NRG1: variants seen among roughly 807,000 people sequenced by gnomAD.
NRG1 encodes the protein neuregulin 1.
Under a neutral mutation model 63.8 loss-of-function variants are expected in NRG1, and 18 were observed. The observed-to-expected ratio is 0.28, with a 90% confidence interval of 0.19 to 0.42. The LOEUF is 0.42. Among genes scored for constraint, NRG1 ranks in the 10% least tolerant of loss-of-function variants. The pLI is 1.00. For missense variants in NRG1, 762 were observed against 814.7 expected (o/e 0.94, Z 0.79); for synonymous variants, 302 against 301.3 (o/e 1.00, Z -0.02).
intron 1 of NRG1, among the ~76,000 whole-genome samples, chr8:31,892,990 A>T (rs576170235): frequency 3.7e-4 from 57 of 152,088 alleles, no homozygotes; most frequent in Admixed American, 1.1e-3. Context: ...TTCAAAATGT[A>T]GTCTAAAGAA....
At chr8:31,740,112 T>G (rs1283953829) in intron 1 of NRG1, among the ~76,000 whole-genome samples, 2 of 152,112 alleles carry the variant, frequency 1.3e-5, no homozygotes, top group African/African-American at 4.8e-5. Flanking sequence ...TTAAGTGTTT[T>G]GTTTTCTCTT....
chr8:31,852,105 G>A lies in NRG1; in HGVS notation c.37+212674G>A, dbSNP rs1827298049. On this transcript the variant is annotated intron_variant, in intron 1 of 10. Transcript: ENST00000519301. ...TGTCTTTATAGCAGCATGATTTACAGTCCTTTGGGTATATACCCAGTAATG... is the reference window on the plus strand; with the variant it reads ...TGTCTTTATAGCAGCATGATTTACAATCCTTTGGGTATATACCCAGTAATG... Among the ~76,000 whole-genome samples, 5 of 151,816 alleles carry A rather than the reference G, an allele frequency of 3.3e-5. No homozygotes were observed. The South Asian group carries it at 1.0e-3, about 32-fold the overall frequency.
chr8:31,670,768 TTC>T (rs1807052871), intron 1 of NRG1, among the ~76,000 whole-genome samples: 2 of 152,298 alleles, frequency 1.3e-5, no homozygotes, highest in South Asian at 4.1e-4. Context: ...GGCCTTATAT[TTC>T]TTTTATTTTA....
chr8:32,534,425 C>A (rs1831757173), intron 1 of NRG1, among the ~76,000 whole-genome samples: 1 of 151,990 alleles, frequency 6.6e-6, no homozygotes, highest in Non-Finnish European at 1.5e-5. Flanking sequence ...TAGTAAATCC[C>A]CACTGTAAAA....
chr8:32,246,871 GTT>G (rs554979358), intron 1 of NRG1, among the ~76,000 whole-genome samples: 162 of 152,090 alleles, frequency 1.1e-3, no homozygotes, highest in African/African-American at 3.8e-3. Context: ...GGAGGAATCT[GTT>G]TTTGTTTTTT....
intron 7 of NRG1, among the ~76,000 whole-genome samples, chr8:32,753,184 A>G (rs535220477): frequency 6.6e-6 from 1 of 152,348 alleles, no homozygotes; most frequent in Admixed American, 6.5e-5. Flanking sequence ...TGAACAGCTT[A>G]CACTGCTTAT....
At chr8:32,523,669 G>A (rs1328518506) in intron 1 of NRG1, among the ~76,000 whole-genome samples, 5 of 151,906 alleles carry the variant, frequency 3.3e-5, no homozygotes, top group Non-Finnish European at 5.9e-5. Flanking sequence ...GACCAACATG[G>A]TGAAACCCCG....
At chr8:32,540,247 GA>G (rs1218500380) in intron 1 of NRG1, among the ~76,000 whole-genome samples, 1 of 151,420 alleles carries the variant, frequency 6.6e-6, no homozygotes, top group East Asian at 1.9e-4. Flanking sequence ...GGGGAAGAAG[GA>G]AAAAAAATGA....
chr8:31,825,398 A>C (rs1260364313), intron 1 of NRG1, among the ~76,000 whole-genome samples: 1 of 152,194 alleles, frequency 6.6e-6, no homozygotes, highest in African/African-American at 2.4e-5. Context: ...AAAAAAAAAA[A>C]AAAGTATTTT....
intron 1 of NRG1, among the ~76,000 whole-genome samples, chr8:31,798,262 G>GT (rs1356560262): frequency 2.0e-5 from 3 of 152,088 alleles, no homozygotes; most frequent in Non-Finnish European, 4.4e-5. Flanking sequence ...GATAGATACG[G>GT]TGATTACCCT....
At chr8:32,451,236 A>G (rs1434571689) in intron 1 of NRG1, among the ~76,000 whole-genome samples, 1 of 152,176 alleles carries the variant, frequency 6.6e-6, no homozygotes, top group African/African-American at 2.4e-5. Context: ...CAATCTCACC[A>G]TCAGAGCCAT....
At position 31,977,940 on chromosome 8, in the gene NRG1, C is replaced by T. The variant is rs537958075; in HGVS notation, c.37+338509C>T. Among the ~76,000 whole-genome samples the T allele has an allele frequency of 2.6e-5, 4 of 152,120 alleles. No homozygotes were observed. The South Asian group carries it at 8.3e-4, about 32-fold the overall frequency. ...CTTGACAAACGGATTCTACAATGTA[C>T]AGAAATTATGGAGACAGTTTTCACT... On this transcript the variant is annotated intron_variant, in intron 1 of 10. Transcript: ENST00000519301.
At chr8:31,978,496 A>G (rs1261900297) in intron 1 of NRG1, among the ~76,000 whole-genome samples, 1 of 152,112 alleles carries the variant, frequency 6.6e-6, no homozygotes, top group Non-Finnish European at 1.5e-5. Context: ...AATTTGCAGT[A>G]CTATTTTCAT....
At chr8:32,170,706 CCAAA>C (rs1456198254) in intron 1 of NRG1, among the ~76,000 whole-genome samples, 1 of 152,128 alleles carries the variant, frequency 6.6e-6, no homozygotes, top group African/African-American at 2.4e-5. Flanking sequence ...AGGTTGATGG[CCAAA>C]CAAAGAAGGT....
intron 1 of NRG1, among the ~76,000 whole-genome samples, chr8:32,422,174 A>G (rs1430556011): frequency 1.3e-5 from 2 of 152,206 alleles, no homozygotes; most frequent in African/African-American, 4.8e-5. Context: ...ATTTTTTTAA[A>G]GTAGAAAGAG....
At chr8:31,700,558 T>C (rs964879859) in intron 1 of NRG1, among the ~76,000 whole-genome samples, 1 of 152,160 alleles carries the variant, frequency 6.6e-6, no homozygotes, top group Non-Finnish European at 1.5e-5. Flanking sequence ...TATTGAGGCA[T>C]CTTAATGAGA....
intron 1 of NRG1, among the ~76,000 whole-genome samples, chr8:32,520,539 A>G (rs1830242964): frequency 6.6e-6 from 1 of 152,164 alleles, no homozygotes; most frequent in Non-Finnish European, 1.5e-5. Flanking sequence ...TGAGATATGT[A>G]GAGATATGTA....
chr8:31,644,461 G>T (rs1804102206), intron 1 of NRG1, among the ~76,000 whole-genome samples: 1 of 152,160 alleles, frequency 6.6e-6, no homozygotes, highest in Non-Finnish European at 1.5e-5. Flanking sequence ...AGCACTAGGG[G>T]ATCGTTCTTG....
intron 1 of NRG1, among the ~76,000 whole-genome samples, chr8:31,920,374 A>G (rs1353926653): frequency 7.9e-5 from 12 of 152,200 alleles, no homozygotes; most frequent in African/African-American, 2.9e-4. Context: ...TTAATTCTGA[A>G]GGAATATACT....
Sources: gnomAD v4.1 joint callset for allele counts (sites outside exome capture counted in the v4.1 genomes callset) on GRCh38, gnomAD v4.1.1 for gene constraint, MANE v1.5 for transcripts, NCBI Gene and HGNC (gene_info 2026-07-23, HGNC 2026-07-21) for gene names.